TPTE: variants seen among roughly 807,000 people sequenced by gnomAD.
TPTE encodes the protein putative tyrosine-protein phosphatase TPTE.
In TPTE, 59 loss-of-function variants were observed where a neutral mutation model predicts 84.1. The ratio of observed to expected loss-of-function variants is 0.70; its 90% confidence interval spans 0.57 to 0.87. The LOEUF (loss-of-function observed/expected upper bound fraction) is 0.87, where lower values mean the gene tolerates loss of function less well. Among genes scored for constraint, TPTE ranks in the 40% least tolerant of loss-of-function variants. The probability of loss-of-function intolerance (pLI) is 0.00; values close to 1 mark genes in which losing one functional copy is unlikely to be tolerated. For missense variants in TPTE, 382 were observed against 659.6 expected, an observed-to-expected ratio of 0.58 and a Z score of 4.61; for synonymous variants, 130 against 223.5, an observed-to-expected ratio of 0.58 and a Z score of 3.73.
chr21:10,541,549 A>C (rs1166079667), intron 5 of TPTE, among the ~76,000 whole-genome samples: 4 of 152,298 alleles, frequency 2.6e-5, no homozygotes, highest in Admixed American at 2.6e-4. Context: ...TAGTGGGATT[A>C]ACTCTCAGAT....
intron 8 of TPTE, among the ~76,000 whole-genome samples, chr21:10,554,387 CTATTGA>C (rs1400143397): frequency 4.9e-4 from 75 of 152,388 alleles, no homozygotes; most frequent in African/African-American, 9.6e-5. Context: ...GATTGTGACG[CTATTGA>C]TATTGATATG....
chr21:10,548,227 C>CAT (rs2074506423), intron 7 of TPTE, among the ~76,000 whole-genome samples: 1 of 152,300 alleles, frequency 6.6e-6, no homozygotes, highest in South Asian at 2.1e-4. Flanking sequence ...ACTAAGCAGC[C>CAT]ATATACCTGT....
chr21:10,592,634 T>C (rs1198772251), intron 19 of TPTE, among the ~76,000 whole-genome samples: 1 of 152,310 alleles, frequency 6.6e-6, no homozygotes, highest in African/African-American at 2.4e-5. Context: ...AGGAGTTGAT[T>C]ATTTTCCCAA....
intron 14 of TPTE, among the ~76,000 whole-genome samples, chr21:10,570,954 C>CCCCAAGG (rs1302682076): frequency 6.6e-6 from 1 of 151,966 alleles, no homozygotes; most frequent in African/African-American, 2.4e-5. Context: ...TAAATGCACC[C>CCCCAAGG]CCCAAGGCCC....
intron 7 of TPTE, among the ~76,000 whole-genome samples, chr21:10,548,391 C>T (rs1287623692): frequency 2.6e-5 from 4 of 152,300 alleles, no homozygotes; most frequent in Admixed American, 2.0e-4. Context: ...CCATGAATGC[C>T]CATGTCCTGG....
At chr21:10,529,953 A>G (rs924774576) in intron 3 of TPTE, among the ~76,000 whole-genome samples, 1 of 152,308 alleles carries the variant, frequency 6.6e-6, no homozygotes, top group Non-Finnish European at 1.5e-5. Context: ...GTGTTTAATA[A>G]GTATCATTCT....
At chr21:10,584,128 G>A (rs550872065) in intron 17 of TPTE, among the ~76,000 whole-genome samples, 5 of 152,424 alleles carry the variant, frequency 3.3e-5, no homozygotes, top group African/African-American at 7.2e-5. Context: ...CTCTCATTTA[G>A]TTAGGTCCTC....
intron 1 of TPTE, among the ~76,000 whole-genome samples, chr21:10,523,127 C>G (rs562996551): frequency 7.2e-5 from 11 of 152,408 alleles, no homozygotes; most frequent in Non-Finnish European, 1.0e-4. Context: ...TTGATGTAAA[C>G]TTCTTCATCA....
chr21:10,521,917 C>T (rs1313249836), intron 1 of TPTE, among the ~76,000 whole-genome samples: 51 of 152,246 alleles, frequency 3.3e-4, no homozygotes, highest in Non-Finnish European at 6.3e-4. Context: ...TCCCTCCCTC[C>T]CTCCGCCCTC....
At chr21:10,574,014 A>G (rs1196761258) in intron 14 of TPTE, among the ~76,000 whole-genome samples, 1 of 152,308 alleles carries the variant, frequency 6.6e-6, no homozygotes, top group African/African-American at 2.4e-5. Context: ...GGAATTATAA[A>G]GAATTGTGGC....
intron 8 of TPTE, among the ~76,000 whole-genome samples, chr21:10,557,951 G>A (rs1458820866): frequency 2.0e-5 from 3 of 152,300 alleles, no homozygotes; most frequent in African/African-American, 4.8e-5. Context: ...TTCCTTCTTT[G>A]TGTTCATAAG....
intron 7 of TPTE, among the ~76,000 whole-genome samples, chr21:10,550,572 A>T (rs1210350220): frequency 6.6e-6 from 1 of 152,312 alleles, no homozygotes; most frequent in Non-Finnish European, 1.5e-5. Flanking sequence ...GTATGCACTC[A>T]AACACCAGAG....
At chr21:10,541,221 G>C (rs1384128014) in intron 5 of TPTE, 56 bp downstream of exon 5, 42 of 1,606,124 alleles carry the variant, frequency 2.6e-5, no homozygotes, top group Non-Finnish European at 3.1e-5. Flanking sequence ...CCTGTAATCT[G>C]AGCACTTTGG....
Position 10,542,508 on chromosome 21 carries a change from A to G in TPTE, c.119+60A>G, listed in dbSNP as rs544111033. The G allele has an allele frequency of 7.6e-6, 12 of 1,586,930 alleles. No homozygotes were observed. The African/African-American group carries it at 1.2e-4, about 16-fold the overall frequency. On this transcript the variant is annotated intron_variant, in intron 6 of 23. Coordinates refer to ENST00000618007, the MANE Select transcript of TPTE (RefSeq NM_199261.4). ...TAAGTGTGCATAGAACTATACACAC[A>G]CAGGCACATGAGCAAGTATACCCCA...
chr21:10,526,496 T>C (rs1385709198), intron 2 of TPTE, among the ~76,000 whole-genome samples: 1 of 152,310 alleles, frequency 6.6e-6, no homozygotes, highest in Non-Finnish European at 1.5e-5. Flanking sequence ...GTCAAATAGG[T>C]TAAGAAACCT....
intron 14 of TPTE, among the ~76,000 whole-genome samples, chr21:10,572,450 CAAAA>C (rs58796102): frequency 0.099 from 12,890 of 130,528 alleles, 2 homozygotes; most frequent in African/African-American, 0.22. Flanking sequence ...AGACTGTATC[CAAAA>C]AAAAAAAAAA....
rs1404129023 is a variant in TPTE at position 10,543,091 on chromosome 21, G to A, written c.120-238G>A. On this transcript the variant is annotated intron_variant, in intron 6 of 23. Coordinates refer to ENST00000618007, the MANE Select transcript of TPTE (RefSeq NM_199261.4). ...AGGCCGGACTGCGGACTGCAGTGGC[G>A]CAATCTCGGCTCACTGCAAGCTCTG... is the stretch of plus-strand genomic sequence containing the variant. 2.8e-4 allele frequency among the ~76,000 whole-genome samples: 35 copies of A among 127,268 alleles called. 1 individual carries two copies. Among genetic ancestry groups the A allele is most frequent in the South Asian group, 7.7e-4 (3 of 3,908 alleles). The allele number at this position is 127,268 out of a possible 152,430, so 83.5% of individuals were successfully genotyped here.
chr21:10,530,071 G>C (rs1313786558), intron 3 of TPTE, among the ~76,000 whole-genome samples: 1 of 152,308 alleles, frequency 6.6e-6, no homozygotes, highest in African/African-American at 2.4e-5. Flanking sequence ...TATTTATTTT[G>C]ATCTTTAAAT....
At chr21:10,575,667 C>G (rs1308857222) in intron 14 of TPTE, among the ~76,000 whole-genome samples, 1 of 152,312 alleles carries the variant, frequency 6.6e-6, no homozygotes, top group African/African-American at 2.4e-5. Flanking sequence ...AAGGAGCTGG[C>G]TGCCATCTTT....
Sources: allele counts gnomAD v4.1 joint callset (sites outside exome capture counted in the v4.1 genomes callset), GRCh38; gene constraint gnomAD v4.1.1; transcripts MANE v1.5; gene names NCBI Gene and HGNC (gene_info 2026-07-23, HGNC 2026-07-21).